The following TCF4 variants were observed in gnomAD, a reference collection of about 807,000 sequenced individuals.
TCF4 encodes the protein transcription factor 4.
TCF4 carries 3 observed loss-of-function variants against 82.1 expected under a neutral mutation model. The observed-to-expected ratio is 0.04, with a 90% CI of 0.02 to 0.09. TCF4 has a LOEUF of 0.09. Ranked by LOEUF, TCF4 falls within the 10% of genes least tolerant of loss-of-function variation. TCF4 has a pLI of 1.00. For missense variants in TCF4, 518 were observed against 852.7 expected, an observed-to-expected ratio of 0.61 and a Z score of 4.89; for synonymous variants, 276 against 309.6, an observed-to-expected ratio of 0.89 and a Z score of 1.14.
chr18:55,435,664 C>T (rs902753878), intron 5 of TCF4, among the ~76,000 whole-genome samples: 2 of 152,194 alleles, frequency 1.3e-5, no homozygotes, highest in African/African-American at 4.8e-5. Flanking sequence ...GAGAAATGCA[C>T]AGTCCTCTCT....
At chr18:55,473,752 A>G (rs1036023222) in intron 3 of TCF4, among the ~76,000 whole-genome samples, 2 of 152,228 alleles carry the variant, frequency 1.3e-5, no homozygotes, top group African/African-American at 4.8e-5. Context: ...AGTAACACTG[A>G]CAGATAAATC....
chr18:55,607,117 A>C (rs1214206170), intron 2 of TCF4, among the ~76,000 whole-genome samples: 1 of 152,120 alleles, frequency 6.6e-6, no homozygotes, highest in African/African-American at 2.4e-5. Context: ...GATGTGATAA[A>C]AGTTACGTTC....
intron 1 of TCF4, chr18:55,631,478 A>G (rs1242231651): frequency 5.0e-6 from 7 of 1,405,762 alleles, no homozygotes; most frequent in Non-Finnish European, 6.7e-6. Flanking sequence ...GGAAGAAATG[A>G]TAATGTTTTG....
At chr18:55,233,025 T>C (rs1475070127) in intron 16 of TCF4, among the ~76,000 whole-genome samples, 2 of 152,244 alleles carry the variant, frequency 1.3e-5, no homozygotes, top group East Asian at 3.8e-4. Flanking sequence ...TTCTTCCATA[T>C]GCAATGATTT....
At chr18:55,275,125 A>G (rs759171856) in intron 10 of TCF4, among the ~76,000 whole-genome samples, 17 of 152,096 alleles carry the variant, frequency 1.1e-4, no homozygotes, top group Non-Finnish European at 1.9e-4. Flanking sequence ...GGAAGTCTAC[A>G]GAAAATACAA....
chr18:55,528,504 T>C (rs1462042615), intron 3 of TCF4, among the ~76,000 whole-genome samples: 1 of 152,220 alleles, frequency 6.6e-6, no homozygotes, highest in East Asian at 1.9e-4. Context: ...ACATTATTAG[T>C]GATTTCTAAA....
chr18:55,505,944 C>A (rs2096754939), intron 3 of TCF4, among the ~76,000 whole-genome samples: 1 of 151,964 alleles, frequency 6.6e-6, no homozygotes, highest in Admixed American at 6.5e-5. Flanking sequence ...AAGATTACTG[C>A]AAAAATGAAA....
At chr18:55,534,613 G>C (rs558239635) in intron 3 of TCF4, among the ~76,000 whole-genome samples, 6 of 152,316 alleles carry the variant, frequency 3.9e-5, no homozygotes, top group Admixed American at 3.9e-4. Context: ...GGACTTAAAA[G>C]AGTTGCCTTC....
At chr18:55,416,639 G>A (rs1367445447) in intron 5 of TCF4, among the ~76,000 whole-genome samples, 4 of 152,152 alleles carry the variant, frequency 2.6e-5, no homozygotes, top group Admixed American at 6.5e-5. Flanking sequence ...GGTGGTCTAC[G>A]TTACATGTAG....
rs146810238 is a variant in TCF4 at position 55,356,107 on chromosome 18, C to T, written c.370-5104G>A. On this transcript the variant is annotated intron_variant, in intron 6 of 19. Coordinates refer to ENST00000354452, the MANE Select transcript of TCF4 (RefSeq NM_001083962.2). Reference sequence around the variant, plus strand: ...ATGAAACAACATATGTAAAATGTTCCGCAGAGCCAGGGTCCAGCACAGAGC... The same window carrying T: ...ATGAAACAACATATGTAAAATGTTCTGCAGAGCCAGGGTCCAGCACAGAGC... Among the ~76,000 whole-genome samples the T allele has an allele frequency of 1.3e-3, 198 of 152,148 alleles. 1 individual carries two copies. Among genetic ancestry groups the T allele is most frequent in the African/African-American group, 4.3e-3 (179 of 41,522 alleles).
chr18:55,315,280 T>C (rs2073832125), intron 8 of TCF4, among the ~76,000 whole-genome samples: 1 of 152,172 alleles, frequency 6.6e-6, no homozygotes, highest in South Asian at 2.1e-4. Flanking sequence ...CTAAACAGAA[T>C]GTTAGAGGCG....
rs1568332774 is a variant in TCF4 at position 55,232,682 on chromosome 18, A to C, written c.1487-11T>G. On this transcript the variant is annotated splice_polypyrimidine_tract_variant and intron_variant, in intron 16 of 19. Coordinates refer to ENST00000354452, the MANE Select transcript of TCF4 (RefSeq NM_001083962.2). The stretch of plus-strand genomic sequence containing the variant: ...GTCCTGGTGGCATGCCTGCCGAAAA[A>C]GAGAAATCAGGTGACATGTACACCA... 1.2e-6 allele frequency: 2 copies of C among 1,614,118 alleles called. No homozygotes were observed. The highest frequency in any genetic ancestry group is 1.6e-4 in the Middle Eastern group (1 of 6,062).
intron 8 of TCF4, chr18:55,332,082 CTTTAA>C (rs936724725): frequency 3.9e-5 from 6 of 152,086 alleles, no homozygotes; most frequent in African/African-American, 1.4e-4. Flanking sequence ...TTCAAATGTT[CTTTAA>C]TTTTTTTTGG....
chr18:55,635,306 C>T (rs563014871), intron 1 of TCF4, among the ~76,000 whole-genome samples: 3 of 152,112 alleles, frequency 2.0e-5, no homozygotes, highest in South Asian at 2.1e-4. Context: ...GTCAGGAATT[C>T]GAGGCCAGCC....
At chr18:55,424,899 T>C (rs1204372296) in intron 5 of TCF4, among the ~76,000 whole-genome samples, 3 of 152,232 alleles carry the variant, frequency 2.0e-5, no homozygotes, top group Non-Finnish European at 4.4e-5. Context: ...CGACAATTTA[T>C]AATTTATTTT....
chr18:55,422,820 T>G (rs2094823840), intron 5 of TCF4, among the ~76,000 whole-genome samples: 1 of 152,176 alleles, frequency 6.6e-6, no homozygotes, highest in Non-Finnish European at 1.5e-5. Context: ...TTTGCATATT[T>G]TTCTTTGTTG....
At chr18:55,307,915 G>A (rs147133788) in intron 8 of TCF4, among the ~76,000 whole-genome samples, 1 of 152,312 alleles carries the variant, frequency 6.6e-6, no homozygotes, top group African/African-American at 2.4e-5. Context: ...ACAGGTACAA[G>A]GCACCAACAA....
intron 3 of TCF4, among the ~76,000 whole-genome samples, chr18:55,540,258 C>T (rs905914708): frequency 6.6e-6 from 1 of 151,970 alleles, no homozygotes; most frequent in Admixed American, 6.6e-5. Context: ...AAATCAGATG[C>T]AGACATATCA....
chr18:55,360,651 G>A (rs2084867016), intron 6 of TCF4, among the ~76,000 whole-genome samples: 1 of 151,480 alleles, frequency 6.6e-6, no homozygotes, highest in Non-Finnish European at 1.5e-5. Context: ...AGGTCAGACA[G>A]TGTTCCAGTA....
Sources: allele counts gnomAD v4.1 joint callset (sites outside exome capture counted in the v4.1 genomes callset), GRCh38; gene constraint gnomAD v4.1.1; transcripts MANE v1.5; gene names NCBI Gene and HGNC (gene_info 2026-07-23, HGNC 2026-07-21).